NEIL3: variants seen among roughly 807,000 people sequenced by gnomAD.
The protein encoded by NEIL3 is endonuclease 8-like 3.
In NEIL3, 48 loss-of-function variants were observed where a neutral mutation model predicts 57.5. The ratio of observed to expected loss-of-function variants is 0.83; its 90% CI spans 0.66 to 1.06. NEIL3 has a LOEUF of 1.06. NEIL3 is among the 50% of genes least tolerant of loss of function. The probability of loss-of-function intolerance (pLI) is 0.00; values close to 1 mark genes in which losing one functional copy is unlikely to be tolerated. For missense variants in NEIL3, 717 were observed against 739.1 expected (o/e 0.97, Z 0.35); for synonymous variants, 261 against 253.2 (o/e 1.03, Z -0.29).
At chr4:177,337,546 A>C (rs778764757) in intron 4 of NEIL3, among the ~76,000 whole-genome samples, 27 of 152,186 alleles carry the variant, frequency 1.8e-4, no homozygotes, top group Non-Finnish European at 3.5e-4. Flanking sequence ...AGCTTTTTAA[A>C]AATCACTTAG....
At chr4:177,366,310 G>C (rs1002669554), downstream of NEIL3, among the ~76,000 whole-genome samples, 1 of 149,966 alleles carries the variant, frequency 6.7e-6, no homozygotes, top group Non-Finnish European at 1.5e-5. Context: ...TATGTGAAGT[G>C]TTACCATATT....
At chr4:177,354,687 G>A (rs1194516377) in intron 8 of NEIL3, among the ~76,000 whole-genome samples, 1 of 151,962 alleles carries the variant, frequency 6.6e-6, no homozygotes, top group Non-Finnish European at 1.5e-5. Flanking sequence ...TCGCCATGTT[G>A]GCCAGGCTGG....
At chr4:177,362,239 A>G (rs765351840) in intron 9 of NEIL3, 50 bp from the exon 10 acceptor site, 19 of 1,457,558 alleles carry the variant, frequency 1.3e-5, no homozygotes, top group Non-Finnish European at 1.8e-5. Flanking sequence ...TAGCCTGTAC[A>G]TCATGATAAC....
rs189576185 is a variant in NEIL3 at position 177,360,823 on chromosome 4, T to C, written c.1635+146T>C. 13 of 571,148 alleles carry C rather than the reference T, an allele frequency of 2.3e-5. No individual in the cohort carries two copies. In the East Asian group the frequency reaches 3.5e-4, roughly 16 times the overall value. The allele number at this position is 571,148 out of a possible 1,614,324, so 35.4% of individuals were successfully genotyped here. On this transcript the variant is annotated intron_variant, in intron 9 of 9. Transcript: ENST00000264596. The stretch of plus-strand genomic sequence containing the variant: ...TGGCATTCAGTCTAAAGCTTGAATG[T>C]TGACTAACTTAAAATTCAGATGTTC...
At chr4:177,370,076 A>G in the NEIL3 span, among the ~76,000 whole-genome samples, 1 of 152,210 alleles carries the variant, frequency 6.6e-6, no homozygotes, top group Admixed American at 6.5e-5. Context: ...TGTTTAGGGA[A>G]CAGAGTCCAG....
chr4:177,352,418 T>G (rs993955866), intron 7 of NEIL3, among the ~76,000 whole-genome samples: 7 of 152,236 alleles, frequency 4.6e-5, no homozygotes, highest in Admixed American at 1.3e-4. Flanking sequence ...TATGTCTCAT[T>G]AACTATTTTC....
chr4:177,335,748 T>C lies in NEIL3; in HGVS notation c.339T>C (p.Asn113=). 6.3e-7 allele frequency: 1 copy of C among 1,598,224 alleles called. No homozygotes were observed. The change falls in exon 3 of 10, where the codon AAT becomes AAC. Residue 113 remains asparagine (N), a synonymous_variant. Transcript: ENST00000264596. ...MINPLEYKYK[N]GASPVLEVQL... ...ATCCACTTGAGTATAAATATAAAAA[T>C]GGAGCTTCTCCTGTTTTGGAAGTGC...
intron 8 of NEIL3, among the ~76,000 whole-genome samples, chr4:177,355,173 A>T (rs898042112): frequency 3.9e-5 from 6 of 152,122 alleles, no homozygotes; most frequent in African/African-American, 1.4e-4. Context: ...GCTGACTTAC[A>T]TCCAGCATTT....
At chr4:177,314,962 G>A (rs1382144495) in intron 1 of NEIL3, among the ~76,000 whole-genome samples, 2 of 151,426 alleles carry the variant, frequency 1.3e-5, no homozygotes, top group Non-Finnish European at 2.9e-5. Context: ...CCAGCTACTC[G>A]GGAGGCTGAG....
chr4:177,352,538 A>G (rs747387228), intron 7 of NEIL3, among the ~76,000 whole-genome samples: 50 of 152,150 alleles, frequency 3.3e-4, no homozygotes, highest in Non-Finnish European at 3.8e-4. Flanking sequence ...TATTTAATAG[A>G]TGTTAAGTCT....
chr4:177,335,576 T>A, intron 2 of NEIL3, 112 bp from the exon 3 acceptor site: 1 of 911,768 alleles, frequency 1.1e-6, no homozygotes, highest in Non-Finnish European at 1.7e-6. Flanking sequence ...AAAGTGTCTA[T>A]CCTGACTAAC....
chr4:177,312,245 C>G (rs1188145461), intron 1 of NEIL3, among the ~76,000 whole-genome samples: 2 of 152,114 alleles, frequency 1.3e-5, no homozygotes, highest in Non-Finnish European at 2.9e-5. Context: ...CCCAAGATCA[C>G]ATGTCTAGTA....
In NEIL3 at chr4:177,311,058, CTG is replaced by C. The variant is rs1734466142; in HGVS notation, c.156+951_156+952del. Among the ~76,000 whole-genome samples the C allele has an allele frequency of 3.3e-5, 5 of 152,112 alleles. No individual in the cohort carries two copies. In the South Asian group the frequency reaches 1.0e-3, roughly 32 times the overall value. On this transcript the variant is annotated intron_variant, in intron 1 of 9. Coordinates refer to ENST00000264596, the MANE Select transcript of NEIL3 (RefSeq NM_018248.3). ...TTGACTTGATATGCCAGTAAGTACT[CTG>C]TACCTATTTTTTTTTATTATTGTTA...
chr4:177,320,083 CT>C (rs1367449207), intron 1 of NEIL3, among the ~76,000 whole-genome samples: 3 of 152,080 alleles, frequency 2.0e-5, no homozygotes, highest in African/African-American at 7.2e-5. Flanking sequence ...TAAAAGTGTC[CT>C]GGCAAGTTTA....
the NEIL3 span, among the ~76,000 whole-genome samples, chr4:177,369,480 C>T: frequency 7.2e-5 from 11 of 151,926 alleles, no homozygotes; most frequent in Non-Finnish European, 1.6e-4. Context: ...TCTGAGAATA[C>T]AAAAATAAAT....
intron 2 of NEIL3, among the ~76,000 whole-genome samples, chr4:177,323,007 G>C (rs1560909452): frequency 6.6e-6 from 1 of 152,116 alleles, no homozygotes; most frequent in Non-Finnish European, 1.5e-5. Context: ...GCCTTGAATG[G>C]AATTTGGAAA....
chr4:177,356,866 A>G (rs761155156), intron 8 of NEIL3: 1 of 152,240 alleles, frequency 6.6e-6, no homozygotes, highest in Non-Finnish European at 1.5e-5. Flanking sequence ...TACTGTAAAC[A>G]CAGAGCAAAA....
At chr4:177,326,051 A>G (rs929978050) in intron 2 of NEIL3, among the ~76,000 whole-genome samples, 2 of 150,426 alleles carry the variant, frequency 1.3e-5, no homozygotes, top group African/African-American at 4.9e-5. Flanking sequence ...AGTTTGATGA[A>G]ACCTAATTTA....
intron 8 of NEIL3, among the ~76,000 whole-genome samples, chr4:177,356,557 T>G (rs1438858758): frequency 1.3e-5 from 2 of 152,232 alleles, no homozygotes; most frequent in African/African-American, 2.4e-5. Context: ...GTTCATCTTG[T>G]GGACAAGATG....
Sources: gnomAD v4.1 joint callset for allele counts (sites outside exome capture counted in the v4.1 genomes callset) on GRCh38, gnomAD v4.1.1 for gene constraint, MANE v1.5 for transcripts, NCBI Gene and HGNC (gene_info 2026-07-23, HGNC 2026-07-21) for gene names.